The following FGF12 variants were observed in gnomAD, a reference collection of about 807,000 sequenced individuals.
FGF12 encodes fibroblast growth factor 12B.
In FGF12, 14 loss-of-function variants were observed where a neutral mutation model predicts 23.6. That is an observed-to-expected ratio of 0.59 (90% CI 0.39 to 0.93). FGF12 has a LOEUF of 0.93. FGF12 is among the 40% of genes least tolerant of loss of function. The pLI is 0.00. For missense variants in FGF12, 175 were observed against 217.8 expected (o/e 0.80, Z 1.24); for synonymous variants, 62 against 77.3 (o/e 0.80, Z 1.04).
At chr3:192,274,373 AAC>A (rs757275624) in intron 4 of FGF12, among the ~76,000 whole-genome samples, 1 of 152,214 alleles carries the variant, frequency 6.6e-6, no homozygotes, top group Admixed American at 6.5e-5. Context: ...AAAAATAAAT[AAC>A]AGAGAAAGTA....
At chr3:192,279,230 G>GTT (rs1238001381) in intron 4 of FGF12, among the ~76,000 whole-genome samples, 1 of 131,922 alleles carries the variant, frequency 7.6e-6, no homozygotes, top group African/African-American at 3.1e-5. Flanking sequence ...TAATGTATGA[G>GTT]TATATATATA....
chr3:192,455,442 C>T (rs1480982324), intron 2 of FGF12, among the ~76,000 whole-genome samples: 1 of 152,142 alleles, frequency 6.6e-6, no homozygotes, highest in East Asian at 1.9e-4. Flanking sequence ...AACTCTGCAT[C>T]AACATGGTGT....
At chr3:192,625,024 A>T (rs1715111762) in intron 2 of FGF12, among the ~76,000 whole-genome samples, 1 of 152,110 alleles carries the variant, frequency 6.6e-6, no homozygotes, top group Non-Finnish European at 1.5e-5. Flanking sequence ...TAGCACATTA[A>T]AAGCTTTGTT....
intron 2 of FGF12, among the ~76,000 whole-genome samples, chr3:192,439,027 G>C (rs2366675): frequency 0.023 from 3,539 of 152,236 alleles, 161 homozygotes; most frequent in African/African-American, 0.081. Context: ...AGTTTGCAGC[G>C]GGTCTCTGAA....
intron 5 of FGF12, among the ~76,000 whole-genome samples, chr3:192,146,567 C>A (rs1424356707): frequency 6.6e-6 from 1 of 152,156 alleles, no homozygotes; most frequent in African/African-American, 2.4e-5. Context: ...TCGCGCCTGG[C>A]CTAAAGTGTA....
At chr3:192,566,681 G>T (rs1170518071) in intron 2 of FGF12, among the ~76,000 whole-genome samples, 1 of 151,984 alleles carries the variant, frequency 6.6e-6, no homozygotes, top group East Asian at 1.9e-4. Context: ...TATTTCAAAT[G>T]GTATTTCCAA....
chr3:192,256,573 T>C (rs958447736), intron 4 of FGF12, among the ~76,000 whole-genome samples: 2 of 152,130 alleles, frequency 1.3e-5, no homozygotes, highest in South Asian at 4.1e-4. Context: ...GCATATGCCA[T>C]ATATTTAAAG....
chr3:192,571,291 C>A (rs1228868208), intron 2 of FGF12, among the ~76,000 whole-genome samples: 1 of 152,168 alleles, frequency 6.6e-6, no homozygotes, highest in Non-Finnish European at 1.5e-5. Context: ...GCAAACATCG[C>A]GGTCTGTGAA....
intron 4 of FGF12, among the ~76,000 whole-genome samples, chr3:192,186,110 T>C (rs1716452058): frequency 6.6e-6 from 1 of 151,242 alleles, no homozygotes; most frequent in Admixed American, 6.6e-5. Flanking sequence ...AGAGATACTA[T>C]TTTTTTTTCT....
intron 4 of FGF12, among the ~76,000 whole-genome samples, chr3:192,176,550 A>C (rs774606978): frequency 7.9e-5 from 12 of 152,236 alleles, no homozygotes; most frequent in African/African-American, 2.9e-4. Context: ...ACTGATTGAC[A>C]GTACTGATTC....
At chr3:192,710,407 A>C (rs1326264121) in intron 2 of FGF12, among the ~76,000 whole-genome samples, 2 of 152,346 alleles carry the variant, frequency 1.3e-5, no homozygotes, top group South Asian at 4.1e-4. Context: ...TATGTTTTGC[A>C]TAATTCTTTA....
At chr3:192,503,091 C>G (rs1724181844) in intron 2 of FGF12, among the ~76,000 whole-genome samples, 1 of 151,948 alleles carries the variant, frequency 6.6e-6, no homozygotes, top group Non-Finnish European at 1.5e-5. Context: ...AAATAAACAC[C>G]AGGATAAATT....
At chr3:192,485,685 G>A (rs1468091492) in intron 2 of FGF12, among the ~76,000 whole-genome samples, 1 of 152,028 alleles carries the variant, frequency 6.6e-6, no homozygotes, top group Admixed American at 6.6e-5. Context: ...AGTTAAGTAT[G>A]AAGTCTAATT....
chr3:192,601,752 G>T (rs549466052), intron 2 of FGF12, among the ~76,000 whole-genome samples: 3 of 152,220 alleles, frequency 2.0e-5, no homozygotes, highest in Admixed American at 6.5e-5. Flanking sequence ...TGTAGTATTT[G>T]CATATCACCA....
rs55645689 is a variant in FGF12 at position 192,479,822 on chromosome 3, G to A, written c.14-119284C>T. ...GTAAGAATATTTTAAAAATTATTAC[G>A]GTAACATGAGTTAGGCTAAAGAATA... On this transcript the variant is annotated intron_variant, in intron 2 of 5. Coordinates refer to ENST00000445105, the MANE Select transcript of FGF12 (RefSeq NM_004113.6). 6.4e-3 allele frequency among the ~76,000 whole-genome samples: 978 copies of A among 152,108 alleles called. 15 individuals are homozygous for A. Among genetic ancestry groups the A allele is most frequent in the African/African-American group, 0.023 (934 of 41,492 alleles).
chr3:192,648,823 G>A (rs1716106491), intron 2 of FGF12, among the ~76,000 whole-genome samples: 1 of 152,202 alleles, frequency 6.6e-6, no homozygotes, highest in Admixed American at 6.5e-5. Context: ...TTTCCATTGA[G>A]TAACAACTAA....
At chr3:192,712,358 A>G (rs1718717210) in intron 2 of FGF12, among the ~76,000 whole-genome samples, 1 of 151,952 alleles carries the variant, frequency 6.6e-6, no homozygotes, top group South Asian at 2.1e-4. Context: ...AGATTAAAGA[A>G]TTAAAGAAAA....
chr3:192,524,216 T>C (rs971611634), intron 2 of FGF12, among the ~76,000 whole-genome samples: 2 of 152,206 alleles, frequency 1.3e-5, no homozygotes, highest in African/African-American at 4.8e-5. Flanking sequence ...AGCATCAGAA[T>C]CAAACTTACT....
At chr3:192,540,536 TA>T (rs1725339590) in intron 2 of FGF12, among the ~76,000 whole-genome samples, 1 of 152,182 alleles carries the variant, frequency 6.6e-6, no homozygotes, top group Non-Finnish European at 1.5e-5. Flanking sequence ...TTTAATGTTT[TA>T]AGACTTGTTT....
Sources: allele counts gnomAD v4.1 joint callset (sites outside exome capture counted in the v4.1 genomes callset), GRCh38; gene constraint gnomAD v4.1.1; transcripts MANE v1.5; gene names NCBI Gene and HGNC (gene_info 2026-07-23, HGNC 2026-07-21).